The following RGS3 variants were observed in gnomAD, a reference collection of about 807,000 sequenced individuals.
RGS3 encodes regulator of G-protein signalling 3.
RGS3 carries 80 observed loss-of-function variants against 132.6 expected under a neutral mutation model. That is an observed-to-expected ratio of 0.60 (90% CI 0.50 to 0.73). The LOEUF (loss-of-function observed/expected upper bound fraction) is 0.73. Among genes scored for constraint, RGS3 ranks in the 30% least tolerant of loss-of-function variants. The pLI, the probability that RGS3 is intolerant of heterozygous loss-of-function variation, is 0.00. For missense variants in RGS3, 1,382 were observed against 1,530.8 expected, an observed-to-expected ratio of 0.90 and a Z score of 1.62; for synonymous variants, 598 against 620.6, an observed-to-expected ratio of 0.96 and a Z score of 0.54.
At chr9:113,483,193 A>T in intron 5 of RGS3, 76 bp downstream of exon 3, 1 of 1,018,290 alleles carries the variant, frequency 9.8e-7, no homozygotes, top group Non-Finnish European at 1.5e-6. Context: ...AGGTCCCAGC[A>T]CACCTGTGGG....
At chr9:113,493,645 T>C (rs1420621553) in intron 7 of RGS3, among the ~76,000 whole-genome samples, 2 of 152,138 alleles carry the variant, frequency 1.3e-5, no homozygotes, top group Non-Finnish European at 2.9e-5. Flanking sequence ...CAATATGTCT[T>C]TTTTGAGACC....
intron 9 of RGS3, 135 bp from the exon 8 acceptor site, chr9:113,497,890 C>G: frequency 1.3e-6 from 1 of 776,300 alleles, no homozygotes; most frequent in South Asian, 1.5e-5. Flanking sequence ...CCTCAGGTGT[C>G]CCCACATCCT....
intron 19 of RGS3, among the ~76,000 whole-genome samples, chr9:113,547,119 G>A (rs1340249876): frequency 6.6e-6 from 1 of 152,176 alleles, no homozygotes; most frequent in Admixed American, 6.5e-5. Context: ...CACAGTCACT[G>A]TCTTGAGACA....
intron 4 of RGS3, among the ~76,000 whole-genome samples, chr9:113,482,099 C>T (rs951130998): frequency 2.0e-5 from 3 of 151,232 alleles, no homozygotes; most frequent in African/African-American, 7.3e-5. Context: ...AAAATCCAGA[C>T]GTAAAAGAAA....
Position 113,463,519 on chromosome 9 carries a change from G to C in RGS3, c.415+1318G>C, listed in dbSNP as rs953171735. On this transcript the variant is annotated intron_variant, in intron 3 of 24. Coordinates refer to ENST00000350696, the Ensembl canonical transcript of RGS3. This position sits in a 1 kb window ranked among gnomAD's most constrained non-coding sequence, Gnocchi z 4.6. ...GTGCTGGGGCCGGGATACCCGGGGT[G>C]GCCGCACCGTCCTGCTGGCTCCTTG... Among the ~76,000 whole-genome samples, 2 of 152,140 alleles carry C rather than the reference G, an allele frequency of 1.3e-5. No homozygotes were observed. The highest frequency in any genetic ancestry group is 2.9e-5 in the Non-Finnish European group (2 of 68,014).
intron 3 of RGS3, among the ~76,000 whole-genome samples, chr9:113,465,599 A>G (rs897326883): frequency 6.6e-6 from 1 of 152,094 alleles, no homozygotes; most frequent in Non-Finnish European, 1.5e-5. Context: ...GCATTGGTCC[A>G]TGTTCTTCTA....
chr9:113,568,523 C>A (rs754586734), intron 19 of RGS3, among the ~76,000 whole-genome samples: 14 of 152,224 alleles, frequency 9.2e-5, no homozygotes, highest in Non-Finnish European at 1.9e-4. Context: ...CTTTGCAGGC[C>A]GTCTCCTCTT....
intron 21 of RGS3, chr9:113,593,679 G>T (rs2119050357): frequency 1.8e-6 from 1 of 551,768 alleles, no homozygotes; most frequent in South Asian, 2.2e-5. Context: ...CTGTACAGGG[G>T]GTCTAGGGAA....
At chr9:113,536,989 C>T in intron 19 of RGS3, 71 bp downstream of exon 17, 1 of 1,467,924 alleles carries the variant, frequency 6.8e-7, no homozygotes, top group Non-Finnish European at 9.4e-7. Flanking sequence ...CCTTGAGCCT[C>T]TGCATTGAGC....
At chr9:113,505,447 C>T (rs1435000030) in exon 11 of RGS3, 19 of 1,614,132 alleles carry the variant, frequency 1.2e-5, no homozygotes, top group Non-Finnish European at 1.4e-5. Context: ...CCTAGATCAC[C>T]ATCCCGAGGG....
chr9:113,510,529 A>G (rs1049761183), intron 14 of RGS3, among the ~76,000 whole-genome samples: 1 of 152,148 alleles, frequency 6.6e-6, no homozygotes, highest in African/African-American at 2.4e-5. Context: ...CTGGTCGTGG[A>G]GGAGGGGGGC....
intron 3 of RGS3, among the ~76,000 whole-genome samples, chr9:113,466,992 C>A (rs1032623800): frequency 2.0e-5 from 3 of 151,768 alleles, no homozygotes; most frequent in African/African-American, 7.3e-5. Context: ...TTATGACTGA[C>A]TTCTTTCACT....
chr9:113,460,354 C>T (rs369515495), intron 1 of RGS3: 1 of 262,910 alleles, frequency 3.8e-6, no homozygotes, highest in Non-Finnish European at 7.3e-6. Flanking sequence ...CCCGTCTCTA[C>T]TAAAAATACA....
At chr9:113,566,057 C>T (rs1411099906) in intron 19 of RGS3, among the ~76,000 whole-genome samples, 3 of 152,074 alleles carry the variant, frequency 2.0e-5, no homozygotes, top group Admixed American at 6.6e-5. Flanking sequence ...GCCAAAAAGT[C>T]GGGACACTGC....
At chr9:113,542,895 G>T (rs1371756440) in intron 19 of RGS3, among the ~76,000 whole-genome samples, 2 of 152,244 alleles carry the variant, frequency 1.3e-5, no homozygotes, top group Non-Finnish European at 1.5e-5. Context: ...CGAGGGCCAG[G>T]GACTGGGCTG....
At chr9:113,518,620 C>T (rs1019578238) in intron 16 of RGS3, among the ~76,000 whole-genome samples, 1 of 152,158 alleles carries the variant, frequency 6.6e-6, no homozygotes, top group Non-Finnish European at 1.5e-5. Flanking sequence ...TCATCTATTC[C>T]AAATGTACAT....
chr9:113,495,793 G>T lies in RGS3; in HGVS notation c.697G>T (p.Gly233Ter). Residue 233 changes from glycine (G) to a stop codon, truncating the protein, a stop_gained, in exon 8 of 25, where the codon GGA becomes TGA. Coordinates refer to ENST00000350696, the Ensembl canonical transcript of RGS3. LOFTEE classifies it high-confidence loss of function. ...TCTCACTTGTTCTCCCAGACAGAGT[G>T]GACTCATTGGCTGCATGAGCTTTGG... 1.1e-5 allele frequency: 18 copies of T among 1,614,052 alleles called. No homozygotes were observed. The highest frequency in any genetic ancestry group is 1.5e-5 in the Non-Finnish European group (18 of 1,179,904).
intron 16 of RGS3, among the ~76,000 whole-genome samples, chr9:113,520,540 C>T (rs1183684076): frequency 1.4e-5 from 2 of 147,270 alleles, no homozygotes; most frequent in Non-Finnish European, 3.0e-5. Flanking sequence ...TGGGCCTGGG[C>T]TGTTTTTTTT....
chr9:113,573,303 G>T (rs149534578), intron 19 of RGS3, among the ~76,000 whole-genome samples: 1 of 152,176 alleles, frequency 6.6e-6, no homozygotes, highest in Non-Finnish European at 1.5e-5. Flanking sequence ...GCTGTTGCTT[G>T]GAGTAAAACC....
Sources: gnomAD v4.1 joint callset for allele counts (sites outside exome capture counted in the v4.1 genomes callset) on GRCh38, gnomAD v4.1.1 for gene constraint, Gnocchi (gnomAD v3.1) non-coding constraint, MANE v1.5 for transcripts, NCBI Gene and HGNC (gene_info 2026-07-23, HGNC 2026-07-21) for gene names.